The following SLC2A9 variants were observed in gnomAD, a reference collection of about 807,000 sequenced individuals.
SLC2A9 encodes the protein solute carrier family 2 member 9.
A neutral mutation model predicts 50.6 loss-of-function variants in SLC2A9; 39 were observed. That is an observed-to-expected ratio of 0.77 (90% CI 0.60 to 1.01). The LOEUF is 1.01. SLC2A9 is among the 50% of genes least tolerant of loss of function. The pLI is 0.00. For synonymous variants in SLC2A9, 324 were observed against 276.9 expected (o/e 1.17, Z -1.69); for missense variants, 686 against 677.6 (o/e 1.01, Z -0.14).
At chr4:9,916,757 G>C (rs1012608362) in intron 7 of SLC2A9, among the ~76,000 whole-genome samples, 6 of 152,166 alleles carry the variant, frequency 3.9e-5, no homozygotes, top group Non-Finnish European at 8.8e-5. Flanking sequence ...ATGACCCTGG[G>C]CATTCTGGAA....
chr4:9,917,075 G>A (rs2110061164), intron 7 of SLC2A9, among the ~76,000 whole-genome samples: 1 of 152,182 alleles, frequency 6.6e-6, no homozygotes, highest in East Asian at 1.9e-4. Flanking sequence ...CTAAAGCCAG[G>A]AGCCTCTTTC....
intron 3 of SLC2A9, among the ~76,000 whole-genome samples, chr4:9,802,060 C>T (rs953736025): frequency 6.6e-6 from 1 of 152,166 alleles, no homozygotes; most frequent in Non-Finnish European, 1.5e-5. Flanking sequence ...AGGCCACCTG[C>T]TTTGCCTAGT....
intron 10 of SLC2A9, among the ~76,000 whole-genome samples, chr4:9,841,234 T>A (rs1446854747): frequency 6.6e-6 from 1 of 152,234 alleles, no homozygotes; most frequent in African/African-American, 2.4e-5. Flanking sequence ...CATGTTGGAT[T>A]CTTTGCTTTA....
At chr4:10,014,723 C>T (rs1762321619) in intron 2 of SLC2A9, among the ~76,000 whole-genome samples, 2 of 152,156 alleles carry the variant, frequency 1.3e-5, no homozygotes, top group African/African-American at 4.8e-5. Context: ...TTTATTGAGC[C>T]TCTGTCACTG....
At chr4:9,826,133 G>A (rs758821897), downstream of SLC2A9, 11 of 473,752 alleles carry the variant, frequency 2.3e-5, no homozygotes, top group East Asian at 8.1e-5. Context: ...ATAGAAGAAC[G>A]CTGGGTCTAC....
chr4:9,968,154 T>C (rs1227926519), intron 5 of SLC2A9, among the ~76,000 whole-genome samples: 2 of 152,188 alleles, frequency 1.3e-5, no homozygotes, highest in Admixed American at 1.3e-4. Context: ...TTGTTTGTTT[T>C]ATAGTCTCCA....
chr4:9,826,174 A>C (rs1347371192), downstream of SLC2A9: 28 of 557,870 alleles, frequency 5.0e-5, no homozygotes, highest in Non-Finnish European at 5.0e-5. Context: ...TGCAGCTTCC[A>C]GAAGGGTTTG....
At chr4:9,803,178 A>G (rs1021180210) in intron 3 of SLC2A9, among the ~76,000 whole-genome samples, 1 of 152,182 alleles carries the variant, frequency 6.6e-6, no homozygotes, top group African/African-American at 2.4e-5. Flanking sequence ...CTGTTTTCTC[A>G]TCTATTAAAT....
At chr4:9,896,096 G>A (rs1049997194) in intron 8 of SLC2A9, among the ~76,000 whole-genome samples, 1 of 152,150 alleles carries the variant, frequency 6.6e-6, no homozygotes. Flanking sequence ...ATGTAGACTT[G>A]TGCATTGATT....
chr4:9,976,752 GC>G (rs1303063655), intron 5 of SLC2A9, among the ~76,000 whole-genome samples: 1 of 152,238 alleles, frequency 6.6e-6, no homozygotes, highest in Non-Finnish European at 1.5e-5. Flanking sequence ...ATGTTCATGA[GC>G]CCTGTTCCTG....
chr4:9,967,798 G>T (rs1386813485), intron 5 of SLC2A9, among the ~76,000 whole-genome samples: 1 of 147,470 alleles, frequency 6.8e-6, no homozygotes, highest in Non-Finnish European at 1.5e-5. Context: ...AAAGTGACTG[G>T]TTATTTAAAA....
intron 5 of SLC2A9, among the ~76,000 whole-genome samples, chr4:9,964,453 C>T (rs1271849411): frequency 1.3e-5 from 2 of 152,156 alleles, no homozygotes; most frequent in Non-Finnish European, 2.9e-5. Flanking sequence ...ATTCATCATG[C>T]AATGGCCTTC....
At chr4:10,021,611 T>A, upstream of SLC2A9, 1 of 854,760 alleles carries the variant, frequency 1.2e-6, no homozygotes, top group Non-Finnish European at 1.9e-6. Flanking sequence ...CCTAAGTTAT[T>A]ACAGCAATGA....
chr4:9,843,275 G>C (rs1728393247), intron 10 of SLC2A9, among the ~76,000 whole-genome samples: 1 of 152,170 alleles, frequency 6.6e-6, no homozygotes, highest in Non-Finnish European at 1.5e-5. Context: ...TTCCTTAAGT[G>C]TTTAACTTCT....
At chr4:9,860,672 T>C (rs1731462733) in intron 10 of SLC2A9, among the ~76,000 whole-genome samples, 1 of 152,224 alleles carries the variant, frequency 6.6e-6, no homozygotes, top group East Asian at 1.9e-4. Flanking sequence ...CCTGGCTCCC[T>C]TGTGCACCTC....
Position 9,887,603 on chromosome 4 carries a change from T to C in SLC2A9, c.1255A>G (p.Ile419Val). The C allele has an allele frequency of 6.4e-7, 1 of 1,570,492 alleles. No individual in the cohort carries two copies. The highest frequency in any genetic ancestry group is 1.4e-5 in the African/African-American group (1 of 74,000). ...CAGAAAGAGGCGATGATGGCCAGAA[T>C]GCCCACGATACTCAGGTAGGGGACC... ...PWVPYLSIVG[I>V]LAIIASFCSG... The change falls in exon 10 of 12, where the codon ATT becomes GTT. Residue 419 changes from isoleucine to valine, a missense_variant. Physicochemically the swap from Ile to Val is conservative, Grantham distance 29 (BLOSUM62 3). Transcript: ENST00000264784.
intron 6 of SLC2A9, chr4:9,924,138 A>T (rs1744468871): frequency 6.6e-6 from 1 of 152,182 alleles, no homozygotes; most frequent in African/African-American, 2.4e-5. Flanking sequence ...AACAACCCAG[A>T]TTGTCCCATC....
At chr4:10,006,249 C>A (rs1442952263) in intron 2 of SLC2A9, among the ~76,000 whole-genome samples, 1 of 152,136 alleles carries the variant, frequency 6.6e-6, no homozygotes, top group Non-Finnish European at 1.5e-5. Context: ...AAGAAATTGC[C>A]AGACAATGGG....
intron 10 of SLC2A9, among the ~76,000 whole-genome samples, chr4:9,864,820 C>T (rs1445290448): frequency 2.6e-5 from 4 of 152,202 alleles, no homozygotes; most frequent in African/African-American, 9.6e-5. Flanking sequence ...TGTGTTGTCT[C>T]GCATGGCAAA....
Sources: allele counts gnomAD v4.1 joint callset (sites outside exome capture counted in the v4.1 genomes callset), GRCh38; gene constraint gnomAD v4.1.1; transcripts MANE v1.5; gene names NCBI Gene and HGNC (gene_info 2026-07-23, HGNC 2026-07-21).